CACNA1A: variants seen among roughly 807,000 people sequenced by gnomAD.
CACNA1A encodes voltage-dependent P/Q-type calcium channel subunit alpha-1A.
In CACNA1A, 57 loss-of-function variants were observed where a neutral mutation model predicts 262.4. The observed-to-expected ratio is 0.22, with a 90% CI of 0.18 to 0.27. The LOEUF (loss-of-function observed/expected upper bound fraction) is 0.27. Among genes scored for constraint, CACNA1A ranks in the 10% least tolerant of loss-of-function variants. The pLI is 1.00. For missense variants in CACNA1A, 2,526 were observed against 3,562.8 expected (o/e 0.71, Z 7.41); for synonymous variants, 1,431 against 1,419.3 (o/e 1.01, Z -0.18).
rs10412250 is a variant in CACNA1A at position 13,407,287 on chromosome 19, G to A, written c.540-35508C>T. 6.5e-3 allele frequency among the ~76,000 whole-genome samples: 996 copies of A among 152,338 alleles called. 13 individuals are homozygous for A. The highest frequency in any genetic ancestry group is 0.022 in the African/African-American group (907 of 41,580). On this transcript the variant is annotated intron_variant, in intron 3 of 46. Coordinates refer to ENST00000360228, the MANE Select transcript of CACNA1A (RefSeq NM_001127222.2). ...CACCTACTTCCAAATCTTTCAGGGT[G>A]CCGCTACAGAGGCAAACACAATTAT...
intron 24 of CACNA1A, among the ~76,000 whole-genome samples, chr19:13,267,326 C>T (rs2056887671): frequency 1.3e-5 from 2 of 152,188 alleles, no homozygotes; most frequent in Non-Finnish European, 2.9e-5. Context: ...GGGGGAGCCT[C>T]AGGCTCATGG....
intron 27 of CACNA1A, 140 bp downstream of exon 27, chr19:13,259,424 G>T: frequency 3.9e-6 from 2 of 517,328 alleles, no homozygotes; most frequent in Non-Finnish European, 6.3e-6. Context: ...CATCTGCCTT[G>T]GCCTCCTAAA....
At chr19:13,293,217 T>C (rs1474389557) in intron 19 of CACNA1A, among the ~76,000 whole-genome samples, 1 of 152,034 alleles carries the variant, frequency 6.6e-6, no homozygotes, top group Non-Finnish European at 1.5e-5. Flanking sequence ...ATAATATTCA[T>C]ATTAATAATA....
chr19:13,223,972 C>A (rs1346378404), intron 38 of CACNA1A, among the ~76,000 whole-genome samples: 2 of 151,934 alleles, frequency 1.3e-5, no homozygotes. Context: ...TTGAGACCAG[C>A]CTGGGCAACC....
At chr19:13,424,623 T>C (rs554312445) in intron 3 of CACNA1A, among the ~76,000 whole-genome samples, 2 of 151,444 alleles carry the variant, frequency 1.3e-5, no homozygotes, top group Non-Finnish European at 2.9e-5. Flanking sequence ...GCCTGCACCA[T>C]CATGCACACT....
At chr19:13,299,776 G>A (rs953091461) in intron 18 of CACNA1A, among the ~76,000 whole-genome samples, 9 of 152,070 alleles carry the variant, frequency 5.9e-5, no homozygotes, top group Admixed American at 4.6e-4. Context: ...ACCTCCTTCA[G>A]GCCATGTAAC....
intron 34 of CACNA1A, among the ~76,000 whole-genome samples, chr19:13,233,194 A>T (rs2055734517): frequency 6.6e-6 from 1 of 151,952 alleles, no homozygotes; most frequent in African/African-American, 2.4e-5. Context: ...GGGCCTTTAC[A>T]CAGGCAGTCC....
At chr19:13,217,685 G>C (rs2055066310) in intron 38 of CACNA1A, among the ~76,000 whole-genome samples, 1 of 152,152 alleles carries the variant, frequency 6.6e-6, no homozygotes, top group Non-Finnish European at 1.5e-5. Flanking sequence ...GCCAAATTCA[G>C]AGACATCTCC....
intron 3 of CACNA1A, chr19:13,450,305 T>C (rs2060893026): frequency 1.3e-5 from 2 of 152,216 alleles, no homozygotes; most frequent in Non-Finnish European, 2.9e-5. Flanking sequence ...CTCAGAGCCT[T>C]TGCACTGGCT....
intron 1 of CACNA1A, among the ~76,000 whole-genome samples, chr19:13,468,559 G>A (rs771892136): frequency 1.1e-4 from 17 of 152,196 alleles, no homozygotes; most frequent in Non-Finnish European, 1.9e-4. Context: ...GGCCAAGGTG[G>A]CCGGATCACT....
intron 23 of CACNA1A, among the ~76,000 whole-genome samples, chr19:13,276,697 CTTT>C (rs33970596): frequency 4.0e-5 from 5 of 125,420 alleles, no homozygotes; most frequent in Admixed American, 8.5e-5. Flanking sequence ...AATCCCAGCT[CTTT>C]TTTTTTTTTT....
chr19:13,471,074 G>A (rs2061339454), intron 1 of CACNA1A, among the ~76,000 whole-genome samples: 1 of 152,048 alleles, frequency 6.6e-6, no homozygotes, highest in Non-Finnish European at 1.5e-5. Context: ...TTGGCTTGTG[G>A]CTGCAGCACT....
At chr19:13,463,721 T>A (rs1409629249) in intron 1 of CACNA1A, among the ~76,000 whole-genome samples, 1 of 152,244 alleles carries the variant, frequency 6.6e-6, no homozygotes, top group Non-Finnish European at 1.5e-5. Flanking sequence ...TCAAATAGGT[T>A]TGTGTGTCAT....
intron 1 of CACNA1A, among the ~76,000 whole-genome samples, chr19:13,459,216 T>C (rs1371447315): frequency 2.6e-5 from 4 of 152,158 alleles, no homozygotes; most frequent in Admixed American, 1.3e-4. Flanking sequence ...GGAAAATTAA[T>C]TGGTTTCAGT....
At position 13,453,028 on chromosome 19, in the gene CACNA1A, G is replaced by C. The variant is rs1446869076; in HGVS notation, c.400-13C>G. ...GTTCTGTGTCATCCTGGAAGGGAGAGAAGGCAAGGTCAGCGTCTTGGGCTG... is the reference window on the plus strand; with the variant it reads ...GTTCTGTGTCATCCTGGAAGGGAGACAAGGCAAGGTCAGCGTCTTGGGCTG... On this transcript the variant is annotated splice_polypyrimidine_tract_variant and intron_variant, in intron 2 of 46. Transcript: ENST00000360228. The C allele has an allele frequency of 2.2e-5, 35 of 1,613,726 alleles. No homozygotes were observed. Among genetic ancestry groups the C allele is most frequent in the Non-Finnish European group, 2.8e-5 (33 of 1,179,792 alleles).
chr19:13,230,263 A>T, intron 35 of CACNA1A, 54 bp from the exon 36 acceptor site: 1 of 1,598,590 alleles, frequency 6.3e-7, no homozygotes, highest in South Asian at 1.1e-5. Context: ...GAGGGAATGA[A>T]TGAGTGAGTG....
At chr19:13,444,272 A>T (rs1193877410) in intron 3 of CACNA1A, among the ~76,000 whole-genome samples, 1 of 152,326 alleles carries the variant, frequency 6.6e-6, no homozygotes, top group South Asian at 2.1e-4. Flanking sequence ...CTGCAGAGAG[A>T]CATTAAAATA....
At chr19:13,229,755 G>A (rs144390691) in intron 36 of CACNA1A, 9 of 213,628 alleles carry the variant, frequency 4.2e-5, no homozygotes, top group Non-Finnish European at 8.4e-5. Context: ...CTGGAGCCTG[G>A]CTAATGCATC....
At chr19:13,460,555 C>T (rs1000393782) in intron 1 of CACNA1A, among the ~76,000 whole-genome samples, 1 of 152,122 alleles carries the variant, frequency 6.6e-6, no homozygotes, top group African/African-American at 2.4e-5. Flanking sequence ...CAAAGCCTTC[C>T]CATGGATCCC....
Sources: allele counts gnomAD v4.1 joint callset (sites outside exome capture counted in the v4.1 genomes callset), GRCh38; gene constraint gnomAD v4.1.1; transcripts MANE v1.5; gene names NCBI Gene and HGNC (gene_info 2026-07-23, HGNC 2026-07-21).